Variants in MAST1 observed in about 807,000 individuals in gnomAD.
MAST1 encodes microtubule-associated serine/threonine-protein kinase 1.
A neutral mutation model predicts 124.6 loss-of-function variants in MAST1; 40 were observed. The ratio of observed to expected loss-of-function variants is 0.32; its 90% CI spans 0.25 to 0.42. MAST1 has a LOEUF of 0.42. Among genes scored for constraint, MAST1 ranks in the 10% least tolerant of loss-of-function variants. The pLI, the probability that MAST1 is intolerant of heterozygous loss-of-function variation, is 1.00. For synonymous variants in MAST1, 938 were observed against 939.4 expected (o/e 1.00, Z 0.03); for missense variants, 1,558 against 2,181.9 (o/e 0.71, Z 5.70).
rs750762394 is a variant in MAST1, at chr19:12,874,651, C to T, written c.4494C>T (p.Pro1498=). ...CGCTGAGCGGTCCTCGCTCCAAGCC[C>T]GCCTCCCCAAAGCTCTCCCCGGAGC... The part of the protein sequence containing the change: ...RTTLSGPRSK[P]ASPKLSPEPQ... The change falls in exon 26 of 26, where the codon CCC becomes CCT. Residue 1498 remains proline (P), a synonymous_variant. Coordinates refer to ENST00000251472, the MANE Select transcript of MAST1 (RefSeq NM_014975.3). The surrounding 1 kb of genome is among the most constrained non-coding windows in gnomAD (Gnocchi z 6.6). The T allele has an allele frequency of 4.1e-5, 62 of 1,528,960 alleles. No homozygotes were observed. In the Middle Eastern group the frequency reaches 1.1e-3, roughly 26 times the overall value. The allele number at this position is 1,528,960 out of a possible 1,614,324, so 94.7% of individuals were successfully genotyped here. A position where few individuals can be genotyped will look rare whatever the true frequency, so the allele number is the denominator to read the frequency against.
chr19:12,869,816 G>T (rs1398363701), intron 22 of MAST1, among the ~76,000 whole-genome samples: 1 of 151,888 alleles, frequency 6.6e-6, no homozygotes, highest in Non-Finnish European at 1.5e-5. Context: ...ACTTTGGGAG[G>T]CTGAGGTGGG....
chr19:12,869,349 G>A, intron 22 of MAST1, 54 bp downstream of exon 22: 1 of 1,472,028 alleles, frequency 6.8e-7, no homozygotes, highest in South Asian at 1.2e-5. Flanking sequence ...GTGGGGAAAA[G>A]GCCCCTCCAG....
chr19:12,838,782 G>T lies in MAST1; in HGVS notation c.83+127G>T. The T allele has an allele frequency of 3.8e-6, 3 of 789,510 alleles. No individual in the cohort carries two copies. The highest frequency in any genetic ancestry group is 5.7e-6 in the Non-Finnish European group (3 of 523,688). 48.9% of individuals were successfully genotyped at this position (789,510 alleles called of 1,614,324 possible). On this transcript the variant is annotated intron_variant, in intron 1 of 25. Transcript: ENST00000251472. The surrounding 1 kb of genome is among the most constrained non-coding windows in gnomAD (Gnocchi z 4.3). ...GCTGCGCCAGAGGTGCCCCAGCTGC[G>T]CCTTCCCGCCGGGGTTGGGGTTGAA...
intron 24 of MAST1, among the ~76,000 whole-genome samples, chr19:12,871,809 C>T (rs1300067348): frequency 1.3e-5 from 2 of 148,422 alleles, no homozygotes; most frequent in East Asian, 2.0e-4. Flanking sequence ...CTCAGCTACT[C>T]GGAGGCTGAA....
Position 12,847,100 on chromosome 19 carries a change from C to T in MAST1, c.328-190C>T. The stretch of plus-strand genomic sequence containing the variant: ...CTTTAACAGACTCACTGTCTCCACC[C>T]CTGTCTGTCCCTGTCCACCTGTCTG... On this transcript the variant is annotated intron_variant, in intron 4 of 25. Transcript: ENST00000251472. This position sits in a 1 kb window ranked among gnomAD's most constrained non-coding sequence, Gnocchi z 5.5. The T allele has an allele frequency of 1.7e-6, 1 of 589,058 alleles. No individual in the cohort carries two copies. Among genetic ancestry groups the T allele is most frequent in the Non-Finnish European group, 3.0e-6 (1 of 329,724 alleles). 36.5% of individuals were successfully genotyped at this position (589,058 alleles called of 1,614,324 possible). A position where few individuals can be genotyped will look rare whatever the true frequency, so the allele number is the denominator to read the frequency against.
In MAST1 at chr19:12,873,449, A is replaced by T; in HGVS notation, c.3389A>T (p.His1130Leu). ...SSDSLPGSPT[H>L]GLPARSPTHS... ...GATAGTCTCCCGGGCTCGCCTACGC[A>T]CGGGCTGCCGGCGCGCTCGCCCACG... The change falls in exon 25 of 26, where the codon CAC becomes CTC. Residue 1130 changes from histidine (H) to leucine (L), a missense_variant. Physicochemically the swap from His to Leu is moderately conservative, Grantham distance 99. Coordinates refer to ENST00000251472, the MANE Select transcript of MAST1 (RefSeq NM_014975.3). 1 of 1,611,852 alleles carries T rather than the reference A, an allele frequency of 6.2e-7. No individual in the cohort carries two copies. The highest frequency in any genetic ancestry group is 8.5e-7 in the Non-Finnish European group (1 of 1,179,804).
At chr19:12,869,373 G>A in intron 22 of MAST1, 78 bp downstream of exon 22, 2 of 1,168,224 alleles carry the variant, frequency 1.7e-6, no homozygotes, top group Non-Finnish European at 2.5e-6. Context: ...AAACCAGTTA[G>A]CCTGGGTGAG....
chr19:12,847,359 C>T lies in MAST1; in HGVS notation c.397C>T (p.Leu133Phe). 1 of 1,613,888 alleles carries T rather than the reference C, an allele frequency of 6.2e-7. No homozygotes were observed. Among genetic ancestry groups the T allele is most frequent in the Non-Finnish European group, 8.5e-7 (1 of 1,179,992 alleles). Reference protein sequence around the residue: ...YQPTVDELHFLSKHFGSTESI... With the variant: ...YQPTVDELHFFSKHFGSTESI... ...GCCCACGGTGGACGAGCTCCACTTC[C>T]TCTCCAAACACTTCGGGAGCACCGA... The change falls in exon 5 of 26, where the codon CTC becomes TTC. Residue 133 changes from leucine (L) to phenylalanine (F), a missense_variant. Physicochemically the swap from Leu to Phe is conservative, Grantham distance 22. This residue lies in a region of MAST1 where 165 missense variants were observed against 315.3 expected (regional missense o/e 0.52). Transcript: ENST00000251472. The surrounding 1 kb of genome is among the most constrained non-coding windows in gnomAD (Gnocchi z 5.5).
chr19:12,874,855 AC>A lies in MAST1; in HGVS notation c.4703del (p.Pro1568ArgfsTer23). On this transcript the variant is annotated frameshift_variant, in exon 26 of 26. Transcript: ENST00000251472. LOFTEE classifies it high-confidence loss of function. This position sits in a 1 kb window ranked among gnomAD's most constrained non-coding sequence, Gnocchi z 6.6. ...LTKKGVSSPAPPGP is the reference protein window; with the variant it reads ...LTKKGVSSPAXPGP ...CCAAAAAAGGAGTGTCCAGTCCCGC[AC>A]CCCCGGGACCATAGCCAAGGGGGTC... 1 of 1,597,270 alleles carries A rather than the reference AC, an allele frequency of 6.3e-7. No individual in the cohort carries two copies. Among genetic ancestry groups the A allele is most frequent in the Non-Finnish European group, 8.5e-7 (1 of 1,173,066 alleles).
Position 12,847,429 on chromosome 19 carries a change from G to A in MAST1, c.467G>A (p.Arg156Gln). 1 of 1,613,654 alleles carries A rather than the reference G, an allele frequency of 6.2e-7. No homozygotes were observed. Among genetic ancestry groups the A allele is most frequent in the Non-Finnish European group, 8.5e-7 (1 of 1,179,954 alleles). The change falls in exon 5 of 26, where the codon CGG becomes CAG. Residue 156 changes from arginine (R) to glutamine (Q), a missense_variant. By Grantham distance (43) the Arg-to-Gln change is conservative (BLOSUM62 1). This residue lies in a region of MAST1 where 165 missense variants were observed against 315.3 expected (regional missense o/e 0.52). Coordinates refer to ENST00000251472, the MANE Select transcript of MAST1 (RefSeq NM_014975.3). This position sits in a 1 kb window ranked among gnomAD's most constrained non-coding sequence, Gnocchi z 5.5. Reference protein sequence around the residue: ...EDGGRRSPAVRPRSRSLSPGR... With the variant: ...EDGGRRSPAVQPRSRSLSPGR... ...GGTGGCCGTCGCTCCCCAGCCGTGC[G>A]GCCCCGCTCACGGAGCCTCAGGTGG...
chr19:12,873,938 C>T lies in MAST1; in HGVS notation c.3781C>T (p.Leu1261Phe). Residue 1261 changes from leucine (L) to phenylalanine (F), a missense_variant, in exon 26 of 26, where the codon CTC (leucine) becomes TTC (phenylalanine). Leu to Phe is a conservative substitution (Grantham distance 22). Coordinates refer to ENST00000251472, the MANE Select transcript of MAST1 (RefSeq NM_014975.3). ...KSAEPPRSPL[L>F]KRVQSAEKLG... is the part of the protein sequence containing the mutation. ...TGCCGAGCCCCCTCGCTCGCCGCTC[C>T]TCAAGCGCGTGCAGTCGGCCGAGAA... 1 of 1,593,338 alleles carries T rather than the reference C, an allele frequency of 6.3e-7. No individual in the cohort carries two copies. The highest frequency in any genetic ancestry group is 8.5e-7 in the Non-Finnish European group (1 of 1,176,960).
chr19:12,841,747 G>T lies in MAST1; in HGVS notation c.248+681G>T, dbSNP rs1326966768. The stretch of plus-strand genomic sequence containing the variant: ...ACGTCCTGTCTCTACCCTCTGAGTC[G>T]AATAGGGCAGGCAGGCCAGAGAATG... On this transcript the variant is annotated intron_variant, in intron 3 of 25. Coordinates refer to ENST00000251472, the MANE Select transcript of MAST1 (RefSeq NM_014975.3). This position sits in a 1 kb window ranked among gnomAD's most constrained non-coding sequence, Gnocchi z 4.3. Among the ~76,000 whole-genome samples, 1 of 152,170 alleles carries T rather than the reference G, an allele frequency of 6.6e-6. No homozygotes were observed. Among genetic ancestry groups the T allele is most frequent in the African/African-American group, 2.4e-5 (1 of 41,426 alleles).
At position 12,874,069 on chromosome 19, in the gene MAST1, G is replaced by T. The variant is rs1414754431; in HGVS notation, c.3912G>T (p.Leu1304=). The T allele has an allele frequency of 6.3e-7, 1 of 1,589,288 alleles. No homozygotes were observed. The highest frequency in any genetic ancestry group is 1.1e-5 in the South Asian group (1 of 87,826). The change falls in exon 26 of 26, where the codon CTG becomes CTT. Residue 1304 remains leucine, a synonymous_variant. Transcript: ENST00000251472. This position sits in a 1 kb window ranked among gnomAD's most constrained non-coding sequence, Gnocchi z 6.6. Reference sequence around the variant, plus strand: ...AGGACTTCCATGGCGAGCTGGCGCTGCATAGCCTTGCCGAGTCCGACGGTG... The same window carrying T: ...AGGACTTCCATGGCGAGCTGGCGCTTCATAGCCTTGCCGAGTCCGACGGTG... ...FRKDFHGELA[L]HSLAESDGET...
chr19:12,873,273 T>C, intron 24 of MAST1, 51 bp from the exon 25 acceptor site: 2 of 1,570,734 alleles, frequency 1.3e-6, no homozygotes, highest in African/African-American at 1.3e-5. Context: ...GGAGGAGCCC[T>C]GAGCTCTGGC....
In MAST1 at chr19:12,866,748, C is replaced by G; in HGVS notation, c.2125C>G (p.Pro709Ala). ...AATCCGCCAGTTCTCTTCCTGCTCTCCGCGCTTCAGCAAGGTGGGCCAAGT... is the reference window on the plus strand; with the variant it reads ...AATCCGCCAGTTCTCTTCCTGCTCTGCGCGCTTCAGCAAGGTGGGCCAAGT... ...VEIRQFSSCS[P>A]RFSKVYSSME... Residue 709 changes from proline (P) to alanine (A), a missense_variant, in exon 18 of 26, where the codon CCG becomes GCG. Physicochemically the swap from Pro to Ala is conservative, Grantham distance 27. Around this residue, in one of 10 missense-constraint regions of MAST1, gnomAD observed 287 missense variants for 308.0 expected, o/e 0.93. Transcript: ENST00000251472. This position sits in a 1 kb window ranked among gnomAD's most constrained non-coding sequence, Gnocchi z 5.2. The G allele has an allele frequency of 6.2e-7, 1 of 1,613,476 alleles. No individual in the cohort carries two copies.
intron 12 of MAST1, among the ~76,000 whole-genome samples, chr19:12,861,680 C>CTTTCTTTCTTTCTTTCTTTCTT (rs1555743464): frequency 1.4e-5 from 2 of 143,450 alleles, no homozygotes; most frequent in African/African-American, 5.4e-5. Flanking sequence ...TTCTTTTTCT[C>CTTTCTTTCTTTCTTTCTTTCTT]TCTTTCTTTC....
intron 1 of MAST1, among the ~76,000 whole-genome samples, chr19:12,839,464 A>G (rs1347840452): frequency 6.6e-6 from 1 of 152,228 alleles, no homozygotes; most frequent in Non-Finnish European, 1.5e-5. Flanking sequence ...ACGATGTCAT[A>G]TCTAGGTATC....
Position 12,866,664 on chromosome 19 carries a change from A to G in MAST1, c.2041A>G (p.Arg681Gly). Residue 681 changes from arginine to glycine, a missense_variant, in exon 18 of 26, where the codon AGG becomes GGG. Coordinates refer to ENST00000251472, the MANE Select transcript of MAST1 (RefSeq NM_014975.3). This position sits in a 1 kb window ranked among gnomAD's most constrained non-coding sequence, Gnocchi z 5.2. ...TACCCGCTCCCCAGCCCGCTCAGAC[A>G]GGTATCACCACGTGAACTCCTATGA... ...DTSYFDTRSD[R>G]YHHVNSYDED... 1 of 1,613,454 alleles carries G rather than the reference A, an allele frequency of 6.2e-7. No homozygotes were observed. The highest frequency in any genetic ancestry group is 8.5e-7 in the Non-Finnish European group (1 of 1,179,604).
At position 12,847,636 on chromosome 19, in the gene MAST1, C is replaced by T; in HGVS notation, c.513C>T (p.Tyr171=). 6.2e-7 allele frequency: 1 copy of T among 1,614,152 alleles called. No homozygotes were observed. Among genetic ancestry groups the T allele is most frequent in the Non-Finnish European group, 8.5e-7 (1 of 1,180,010 alleles). ...SLSPGRSPSS[Y]DNEIVMMNHV... ...GCCCCGGGCGCTCCCCCTCCTCCTACGACAACGAGATCGTGATGATGAATC... is the reference window on the plus strand; with the variant it reads ...GCCCCGGGCGCTCCCCCTCCTCCTATGACAACGAGATCGTGATGATGAATC... Residue 171 remains tyrosine, a synonymous_variant, in exon 6 of 26, where the codon TAC becomes TAT. Transcript: ENST00000251472. The surrounding 1 kb of genome is among the most constrained non-coding windows in gnomAD (Gnocchi z 5.5).
Sources: gnomAD v4.1 joint callset for allele counts (sites outside exome capture counted in the v4.1 genomes callset) on GRCh38, gnomAD v4.1.1 for gene constraint, gnomAD v4.1.1 regional missense constraint, Gnocchi (gnomAD v3.1) non-coding constraint, MANE v1.5 for transcripts, NCBI Gene and HGNC (gene_info 2026-07-23, HGNC 2026-07-21) for gene names.